GALNT13: variants seen among roughly 807,000 people sequenced by gnomAD.
GALNT13 encodes UDP-GalNAc:polypeptide N-acetylgalactosaminyltransferase 13.
A neutral mutation model predicts 64.2 loss-of-function variants in GALNT13; 28 were observed. The ratio of observed to expected loss-of-function variants is 0.44; its 90% CI spans 0.32 to 0.60. The LOEUF is 0.60. Ranked by LOEUF, GALNT13 falls within the 20% of genes least tolerant of loss-of-function variation. The pLI is 0.05. For synonymous variants in GALNT13, 214 were observed against 224.6 expected, an observed-to-expected ratio of 0.95 and a Z score of 0.42; for missense variants, 577 against 669.8, an observed-to-expected ratio of 0.86 and a Z score of 1.53.
At chr2:153,845,609 A>G in the GALNT13 span, among the ~76,000 whole-genome samples, 506 of 152,294 alleles carry the variant, frequency 3.3e-3, 4 homozygotes, top group South Asian at 6.0e-3. Flanking sequence ...ACAGATATTT[A>G]AACTATATCA....
At chr2:153,626,369 A>C in the GALNT13 span, among the ~76,000 whole-genome samples, 6 of 152,156 alleles carry the variant, frequency 3.9e-5, no homozygotes, top group African/African-American at 1.4e-4. Flanking sequence ...AGATGAATAC[A>C]AATTGTATTT....
the GALNT13 span, among the ~76,000 whole-genome samples, chr2:153,401,004 TTAATTG>T: frequency 1.3e-5 from 2 of 151,416 alleles, no homozygotes; most frequent in Non-Finnish European, 2.9e-5. Context: ...TCTAGTTCTT[TTAATTG>T]TGATGTTAGG....
the GALNT13 span, among the ~76,000 whole-genome samples, chr2:153,756,183 G>A: frequency 6.6e-6 from 1 of 152,054 alleles, no homozygotes; most frequent in African/African-American, 2.4e-5. Context: ...TCTTCAGAGA[G>A]CAATTATGTA....
chr2:153,111,171 T>C, the GALNT13 span, among the ~76,000 whole-genome samples: 1 of 152,134 alleles, frequency 6.6e-6, no homozygotes, highest in African/African-American at 2.4e-5. Flanking sequence ...ATATTGTTGA[T>C]TTAAAAGGAT....
the GALNT13 span, among the ~76,000 whole-genome samples, chr2:153,623,479 T>C: frequency 6.6e-6 from 1 of 152,078 alleles, no homozygotes; most frequent in Admixed American, 6.6e-5. Flanking sequence ...CAAGGACAAG[T>C]GGAAAGTAGT....
the GALNT13 span, among the ~76,000 whole-genome samples, chr2:153,642,554 A>G: frequency 6.6e-6 from 1 of 151,912 alleles, no homozygotes; most frequent in Non-Finnish European, 1.5e-5. Context: ...GTGTGTATCT[A>G]ATAACATATT....
the GALNT13 span, among the ~76,000 whole-genome samples, chr2:153,810,895 T>G: frequency 6.6e-6 from 1 of 152,200 alleles, no homozygotes; most frequent in African/African-American, 2.4e-5. Flanking sequence ...AAACATCACA[T>G]GTGATTTGTA....
chr2:153,891,199 A>G (rs1558837483), intron 1 of GALNT13, among the ~76,000 whole-genome samples: 1 of 152,040 alleles, frequency 6.6e-6, no homozygotes, highest in Non-Finnish European at 1.5e-5. Context: ...ATTAGATTGC[A>G]TATGTACAGA....
the GALNT13 span, among the ~76,000 whole-genome samples, chr2:153,639,993 G>T: frequency 6.6e-6 from 1 of 152,130 alleles, no homozygotes; most frequent in Non-Finnish European, 1.5e-5. Flanking sequence ...TGGTCTCAGT[G>T]CAGACGCCCA....
chr2:153,225,028 A>G, the GALNT13 span, among the ~76,000 whole-genome samples: 28 of 152,200 alleles, frequency 1.8e-4, no homozygotes, highest in Non-Finnish European at 1.5e-5. Context: ...AAATATTACA[A>G]GAGAGAAAAA....
chr2:153,861,559 CTTTTTTTTTTTTTT>C, the GALNT13 span, among the ~76,000 whole-genome samples: 2 of 118,200 alleles, frequency 1.7e-5, no homozygotes, highest in Admixed American at 9.0e-5. Flanking sequence ...TTCTTTCTTT[CTTTTTTTTTTTTTT>C]TTTTTTTTTT....
intron 3 of GALNT13, among the ~76,000 whole-genome samples, chr2:153,954,655 A>G (rs1293211813): frequency 6.6e-6 from 1 of 151,272 alleles, no homozygotes; most frequent in African/African-American, 2.4e-5. Context: ...TATTAGGTTT[A>G]CTGTGCTAGG....
At chr2:154,150,518 T>G (rs1212509272) in intron 4 of GALNT13, among the ~76,000 whole-genome samples, 10 of 152,232 alleles carry the variant, frequency 6.6e-5, no homozygotes, top group Non-Finnish European at 1.5e-4. Context: ...CAGTTCCTCC[T>G]TGTACCTCTG....
chr2:153,602,003 G>T, the GALNT13 span, among the ~76,000 whole-genome samples: 1 of 151,784 alleles, frequency 6.6e-6, no homozygotes, highest in Non-Finnish European at 1.5e-5. Context: ...TCTCAAAAGA[G>T]CAAATATTTA....
chr2:154,154,934 T>TTGTGTGTGTGTGTG (rs60456139), intron 4 of GALNT13, among the ~76,000 whole-genome samples: 1 of 149,304 alleles, frequency 6.7e-6, no homozygotes, highest in African/African-American at 2.5e-5. Flanking sequence ...TTGTTTATGT[T>TTGTGTGTGTGTGTG]TGTGTGTGTG....
chr2:153,927,715 C>T (rs146510278), intron 2 of GALNT13, among the ~76,000 whole-genome samples: 1 of 151,878 alleles, frequency 6.6e-6, no homozygotes, highest in Non-Finnish European at 1.5e-5. Context: ...CCTCTAATTG[C>T]CTGTCTTTTA....
chr2:153,828,927 C>T, the GALNT13 span, among the ~76,000 whole-genome samples: 1 of 152,182 alleles, frequency 6.6e-6, no homozygotes, highest in Non-Finnish European at 1.5e-5. Flanking sequence ...TCTCTTGAGT[C>T]TGAAATTCCA....
At chr2:153,402,460 T>C in the GALNT13 span, among the ~76,000 whole-genome samples, 4 of 151,938 alleles carry the variant, frequency 2.6e-5, no homozygotes, top group African/African-American at 7.3e-5. Flanking sequence ...ATTTCCTGAA[T>C]CTGAATGTTG....
the GALNT13 span, among the ~76,000 whole-genome samples, chr2:153,589,867 G>T: frequency 6.6e-6 from 1 of 152,158 alleles, no homozygotes; most frequent in Non-Finnish European, 1.5e-5. Flanking sequence ...AGCAAGATGA[G>T]ATTTGTGTGG....
Sources: gnomAD v4.1 joint callset for allele counts (sites outside exome capture counted in the v4.1 genomes callset) on GRCh38, gnomAD v4.1.1 for gene constraint, MANE v1.5 for transcripts, NCBI Gene and HGNC (gene_info 2026-07-23, HGNC 2026-07-21) for gene names.